The following IL1RAPL1 variants were observed in gnomAD, a reference collection of about 807,000 sequenced individuals.
The protein encoded by IL1RAPL1 is interleukin 1 receptor accessory protein like 1, also known as interleukin-1 receptor accessory protein-like 1.
In IL1RAPL1, 3 loss-of-function variants were observed where a neutral mutation model predicts 48.4. The observed-to-expected ratio is 0.06, with a 90% CI of 0.03 to 0.16. IL1RAPL1 has a LOEUF of 0.16. IL1RAPL1 is among the 10% of genes least tolerant of loss of function. The pLI is 1.00. For synonymous variants in IL1RAPL1, 185 were observed against 187.7 expected, an observed-to-expected ratio of 0.99 and a Z score of 0.12; for missense variants, 349 against 530.6, an observed-to-expected ratio of 0.66 and a Z score of 3.36.
intron 6 of IL1RAPL1, among the ~76,000 whole-genome samples, chrX:29,719,558 C>A (rs1927577616): frequency 9.1e-6 from 1 of 109,798 alleles, no homozygotes; most frequent in African/African-American, 3.3e-5. Context: ...TTTCAGTGAA[C>A]CTAGAACTAA....
chrX:28,922,413 T>C (rs1401420538), intron 2 of IL1RAPL1, among the ~76,000 whole-genome samples: 2 of 111,583 alleles, frequency 1.8e-5, no homozygotes, highest in African/African-American at 6.5e-5. Context: ...TCGGCACATA[T>C]CAAATACTGT....
chrX:29,826,888 T>G (rs904250722), intron 6 of IL1RAPL1, among the ~76,000 whole-genome samples: 1 of 112,204 alleles, frequency 8.9e-6, no homozygotes, highest in African/African-American at 3.2e-5. Context: ...GTGAAGTTGC[T>G]GAGTCATACG....
At chrX:29,458,425 T>C (rs1241907137) in intron 5 of IL1RAPL1, among the ~76,000 whole-genome samples, 1 of 99,651 alleles carries the variant, frequency 1.0e-5, no homozygotes, top group East Asian at 3.4e-4. Flanking sequence ...GCCAAATGGA[T>C]ACAAGAATAT....
At chrX:29,527,705 C>T (rs769017182) in intron 5 of IL1RAPL1, among the ~76,000 whole-genome samples, 1 of 111,020 alleles carries the variant, frequency 9.0e-6, no homozygotes, top group South Asian at 3.7e-4. Context: ...TTAAAAACTT[C>T]GCATGACAAA....
intron 3 of IL1RAPL1, among the ~76,000 whole-genome samples, chrX:29,319,142 A>ATCTGTC (rs1932782030): frequency 1.4e-5 from 1 of 71,886 alleles, no homozygotes; most frequent in Admixed American, 1.9e-4. Context: ...CATACGTATG[A>ATCTGTC]TATCTGTCTA....
Position 29,912,938 on chromosome X carries a change from A to G in IL1RAPL1, c.779-4526A>G, listed in dbSNP as rs754350915. Among the ~76,000 whole-genome samples, 5 of 112,056 alleles carry G rather than the reference A, an allele frequency of 4.5e-5. No individual in the cohort carries two copies. The East Asian group carries it at 1.1e-3, about 25-fold the overall frequency. Reference sequence around the variant, plus strand: ...GCTCCACCCTGCTCCATGAATTTCTATCAAGTCCTGGTTCTTATTGAGATT... The same window carrying G: ...GCTCCACCCTGCTCCATGAATTTCTGTCAAGTCCTGGTTCTTATTGAGATT... On this transcript the variant is annotated intron_variant, in intron 6 of 10. Coordinates refer to ENST00000378993, the MANE Select transcript of IL1RAPL1 (RefSeq NM_014271.4).
At chrX:29,058,096 C>T (rs1017760019) in intron 2 of IL1RAPL1, among the ~76,000 whole-genome samples, 2 of 111,032 alleles carry the variant, frequency 1.8e-5, no homozygotes, top group African/African-American at 3.3e-5. Context: ...AGGAAAGAGG[C>T]CGGGCGCAGT....
intron 5 of IL1RAPL1, among the ~76,000 whole-genome samples, chrX:29,627,275 G>A (rs1450574676): frequency 8.9e-6 from 1 of 112,324 alleles, no homozygotes; most frequent in Non-Finnish European, 1.9e-5. Flanking sequence ...TATGGCAAAT[G>A]CAAACAAAGC....
chrX:29,708,777 T>C (rs1927265956), intron 6 of IL1RAPL1, among the ~76,000 whole-genome samples: 1 of 111,927 alleles, frequency 8.9e-6, no homozygotes, highest in Admixed American at 9.5e-5. Context: ...TATTTTTAGT[T>C]TTTTGATAAA....
intron 5 of IL1RAPL1, among the ~76,000 whole-genome samples, chrX:29,451,602 CTCTCTCTCTG>C (rs1160707887): frequency 9.0e-6 from 1 of 111,252 alleles, no homozygotes; most frequent in East Asian, 2.8e-4. Flanking sequence ...TGAATTTGTT[CTCTCTCTCTG>C]TCTCTCTCTC....
chrX:29,331,764 G>T (rs761830663), intron 3 of IL1RAPL1, among the ~76,000 whole-genome samples: 188 of 111,857 alleles, frequency 1.7e-3, no homozygotes, highest in African/African-American at 5.6e-3. Context: ...TGTCAAAAGA[G>T]ATGATTTGTC....
At chrX:29,562,091 GTCTATCTATCTATCTATCTATCTAATCTA>G (rs1569339280) in intron 5 of IL1RAPL1, among the ~76,000 whole-genome samples, 1,030 of 86,292 alleles carry the variant, frequency 0.012, 27 homozygotes, top group African/African-American at 0.043. Context: ...TAATCTATCT[GTCTATCTATCTATCTATCTATCTAATCTA>G]TCTATCTATC....
rs181265117 is a variant in IL1RAPL1, at chrX:28,966,088, C to A, written c.82+176663C>A. On this transcript the variant is annotated intron_variant, in intron 2 of 10. Transcript: ENST00000378993. ...TTTCAAACATATATACACATAGGTCCCCAATTTAGAGCAAAACAGAAATTT... is the reference window on the plus strand; with the variant it reads ...TTTCAAACATATATACACATAGGTCACCAATTTAGAGCAAAACAGAAATTT... 1.3e-4 allele frequency among the ~76,000 whole-genome samples: 15 copies of A among 111,175 alleles called. No individual in the cohort carries two copies. The East Asian group carries it at 3.7e-3, about 27-fold the overall frequency.
At chrX:29,808,397 T>G (rs1296101313) in intron 6 of IL1RAPL1, among the ~76,000 whole-genome samples, 1 of 111,822 alleles carries the variant, frequency 8.9e-6, no homozygotes, top group Non-Finnish European at 1.9e-5. Context: ...CACATTGTAT[T>G]AAAGTAAATG....
At position 29,038,248 on chromosome X, in the gene IL1RAPL1, C is replaced by T. The variant is rs139779191; in HGVS notation, c.83-244690C>T. On this transcript the variant is annotated intron_variant, in intron 2 of 10. Coordinates refer to ENST00000378993, the MANE Select transcript of IL1RAPL1 (RefSeq NM_014271.4). ...CTCTACCTTTGTGGGCAGCCTGAGA[C>T]AACCCTAGATTAAACATTTTAATTT... is the stretch of plus-strand genomic sequence containing the variant. Among the ~76,000 whole-genome samples, 15 of 111,656 alleles carry T rather than the reference C, an allele frequency of 1.3e-4. No individual in the cohort carries two copies. In the South Asian group the frequency reaches 1.5e-3, roughly 11 times the overall value.
chrX:29,376,340 G>C (rs1933622166), intron 3 of IL1RAPL1, among the ~76,000 whole-genome samples: 1 of 110,267 alleles, frequency 9.1e-6, no homozygotes, highest in Non-Finnish European at 1.9e-5. Context: ...AGTTATTCAG[G>C]GGTAAGTTGT....
intron 1 of IL1RAPL1, among the ~76,000 whole-genome samples, chrX:28,605,301 A>G (rs770288251): frequency 1.8e-5 from 2 of 112,540 alleles, no homozygotes; most frequent in South Asian, 3.7e-4. Context: ...TTTGTCCAAA[A>G]CTAAACTTCT....
At chrX:29,219,508 G>T (rs1930935243) in intron 2 of IL1RAPL1, among the ~76,000 whole-genome samples, 1 of 111,404 alleles carries the variant, frequency 9.0e-6, no homozygotes, top group Non-Finnish European at 1.9e-5. Flanking sequence ...TCATCACAGA[G>T]TTCTAGGATT....
intron 5 of IL1RAPL1, among the ~76,000 whole-genome samples, chrX:29,427,554 G>A (rs1339214002): frequency 9.0e-6 from 1 of 111,721 alleles, no homozygotes; most frequent in Non-Finnish European, 1.9e-5. Flanking sequence ...CCATAGGGAT[G>A]TTGAAACTGT....
Sources: gnomAD v4.1 joint callset for allele counts (sites outside exome capture counted in the v4.1 genomes callset) on GRCh38, gnomAD v4.1.1 for gene constraint, MANE v1.5 for transcripts, NCBI Gene and HGNC (gene_info 2026-07-23, HGNC 2026-07-21) for gene names.